The following GNPDA2 variants were observed in gnomAD, a reference collection of about 807,000 sequenced individuals.
The protein encoded by GNPDA2 is glcN6P deaminase 2.
A neutral mutation model predicts 27.0 loss-of-function variants in GNPDA2; 24 were observed. The observed-to-expected ratio is 0.89, with a 90% CI of 0.64 to 1.25. The LOEUF is 1.25. GNPDA2 is among the 50% of genes most tolerant of loss of function. The probability of loss-of-function intolerance (pLI) is 0.00; values close to 1 mark genes in which losing one functional copy is unlikely to be tolerated. For synonymous variants in GNPDA2, 94 were observed against 108.4 expected (o/e 0.87, Z 0.83); for missense variants, 286 against 335.1 (o/e 0.85, Z 1.14).
intron 2 of GNPDA2, among the ~76,000 whole-genome samples, chr4:44,721,609 T>C (rs909156000): frequency 7.5e-4 from 113 of 150,770 alleles, no homozygotes; most frequent in Middle Eastern, 6.9e-3. Context: ...AAGAAGCAAA[T>C]AGTAAAAGGC....
In GNPDA2 at chr4:44,703,077, T is replaced by TC. The variant is rs759389584; in HGVS notation, c.*3dup. Reference sequence around the variant, plus strand: ...ATTCAAGCTGAATTTTGCTCCAGTCTCCTTCAGTTTCCATCTTTCATACTG... The same window carrying TC: ...ATTCAAGCTGAATTTTGCTCCAGTCTCCCTTCAGTTTCCATCTTTCATACTG... On this transcript the variant is annotated 3_prime_UTR_variant, in exon 7 of 7. Coordinates refer to ENST00000295448, the MANE Select transcript of GNPDA2 (RefSeq NM_138335.3). 6.2e-7 allele frequency: 1 copy of TC among 1,611,698 alleles called. No individual in the cohort carries two copies. Among genetic ancestry groups the TC allele is most frequent in the Admixed American group, 1.7e-5 (1 of 59,794 alleles).
chr4:44,714,285 A>G (rs1717151415), intron 4 of GNPDA2: 2 of 984,922 alleles, frequency 2.0e-6, no homozygotes, highest in African/African-American at 1.7e-5. Context: ...CCTAGATTTT[A>G]TTTTTAAAAA....
chr4:44,707,719 T>G, intron 6 of GNPDA2, 33 bp downstream of exon 6: 1 of 1,584,304 alleles, frequency 6.3e-7, no homozygotes, highest in Non-Finnish European at 8.7e-7. Flanking sequence ...CACAACAGAT[T>G]ATCTCAGTCG....
intron 1 of GNPDA2, among the ~76,000 whole-genome samples, chr4:44,722,575 T>C (rs1006359103): frequency 1.2e-4 from 18 of 152,152 alleles, no homozygotes; most frequent in African/African-American, 3.9e-4. Context: ...ATTAAACAGG[T>C]ACAGACTTTT....
At chr4:44,719,478 A>C (rs1019377281) in intron 2 of GNPDA2, among the ~76,000 whole-genome samples, 3 of 152,094 alleles carry the variant, frequency 2.0e-5, no homozygotes, top group African/African-American at 7.2e-5. Context: ...AGAAGAAAAA[A>C]AGATTTTCTA....
At chr4:44,725,137 T>G (rs532493770) in intron 1 of GNPDA2, among the ~76,000 whole-genome samples, 8 of 37,104 alleles carry the variant, frequency 2.2e-4, no homozygotes, top group Admixed American at 5.0e-4. Flanking sequence ...TGAAGACCTA[T>G]TATATTCTAA....
chr4:44,702,080 AG>A lies in GNPDA2; in HGVS notation c.*1000del. 1.0e-6 allele frequency: 1 copy of A among 985,036 alleles called. No homozygotes were observed. The highest frequency in any genetic ancestry group is 1.2e-6 in the Non-Finnish European group (1 of 829,252). The allele number at this position is 985,036 out of a possible 1,614,324, so 61.0% of individuals were successfully genotyped here. A position where few individuals can be genotyped will look rare whatever the true frequency, so the allele number is the denominator to read the frequency against. ...ATGGTAACAAACCCAAAATGAATGCAGGTTCACATGTACTATAATTGTTGGG... is the reference window on the plus strand; with the variant it reads ...ATGGTAACAAACCCAAAATGAATGCAGTTCACATGTACTATAATTGTTGGG... On this transcript the variant is annotated 3_prime_UTR_variant, in exon 7 of 7. Transcript: ENST00000295448.
intron 6 of GNPDA2, chr4:44,706,120 A>C (rs1329397223): frequency 9.2e-5 from 14 of 151,890 alleles, no homozygotes; most frequent in Admixed American, 9.2e-4. Context: ...GATTCCTTGT[A>C]GTCAAGGAAT....
Position 44,703,035 on chromosome 4 carries a change from TAA to T in GNPDA2, c.*44_*45del. Reference sequence around the variant, plus strand: ...AGCTGAAAATTCATCTACTACTTAGTAAAAAGTGCTCTGTTCATTCAAGCTGA... The same window carrying T: ...AGCTGAAAATTCATCTACTACTTAGTAAAGTGCTCTGTTCATTCAAGCTGA... On this transcript the variant is annotated 3_prime_UTR_variant, in exon 7 of 7. Transcript: ENST00000295448. 6.2e-7 allele frequency: 1 copy of T among 1,604,306 alleles called. No homozygotes were observed. Among genetic ancestry groups the T allele is most frequent in the Non-Finnish European group, 8.5e-7 (1 of 1,177,176 alleles).
intron 2 of GNPDA2, among the ~76,000 whole-genome samples, chr4:44,721,419 A>G (rs1224631202): frequency 2.0e-5 from 3 of 152,154 alleles, no homozygotes; most frequent in Non-Finnish European, 4.4e-5. Context: ...GTCAATAAGG[A>G]GCAACTTTAG....
At chr4:44,714,931 T>TA (rs1413071323) in intron 4 of GNPDA2, among the ~76,000 whole-genome samples, 1 of 152,154 alleles carries the variant, frequency 6.6e-6, no homozygotes, top group Non-Finnish European at 1.5e-5. Context: ...GGAACTCTCT[T>TA]AAAATATATT....
rs1454243752 is a variant in GNPDA2, at chr4:44,720,987, C to T, written c.124+1097G>A. Among the ~76,000 whole-genome samples the T allele has an allele frequency of 4.6e-5, 7 of 151,544 alleles. No homozygotes were observed. The East Asian group carries it at 1.2e-3, about 25-fold the overall frequency. On this transcript the variant is annotated intron_variant, in intron 2 of 6. Coordinates refer to ENST00000295448, the MANE Select transcript of GNPDA2 (RefSeq NM_138335.3). The stretch of plus-strand genomic sequence containing the variant: ...AACAGTATAGAAACTATACAGAAAC[C>T]ACGTTCAACCCCAAGGGGTCACATA...
chr4:44,707,043 T>G (rs1244919800), intron 6 of GNPDA2: 1 of 152,050 alleles, frequency 6.6e-6, no homozygotes, highest in Non-Finnish European at 1.5e-5. Flanking sequence ...TGGAGCTGAC[T>G]CTTAAATCAG....
intron 6 of GNPDA2, chr4:44,706,297 C>A (rs916814249): frequency 9.3e-6 from 1 of 107,928 alleles, no homozygotes; most frequent in Non-Finnish European, 2.4e-5. Context: ...ATATAAATGA[C>A]TAGAAATAAT....
At chr4:44,706,389 A>G (rs1430189396) in intron 6 of GNPDA2, 2 of 152,006 alleles carry the variant, frequency 1.3e-5, no homozygotes, top group African/African-American at 4.8e-5. Flanking sequence ...AATATTTAGT[A>G]AAACAGGAAA....
intron 4 of GNPDA2, among the ~76,000 whole-genome samples, chr4:44,711,929 T>C (rs559385527): frequency 3.3e-5 from 5 of 151,940 alleles, no homozygotes; most frequent in African/African-American, 7.2e-5. Context: ...TTCTATGACA[T>C]TGCATTTCAT....
At chr4:44,709,039 C>A (rs1377522723) in intron 5 of GNPDA2, among the ~76,000 whole-genome samples, 2 of 152,030 alleles carry the variant, frequency 1.3e-5, no homozygotes, top group East Asian at 3.9e-4. Flanking sequence ...TACATTGCCT[C>A]TTGTAAAAGT....
intron 6 of GNPDA2, chr4:44,703,369 T>C (rs990393725): frequency 1.5e-6 from 2 of 1,297,824 alleles, no homozygotes; most frequent in Non-Finnish European, 9.8e-7. Flanking sequence ...AGATCTAGAA[T>C]GTGTACAGGT....
intron 5 of GNPDA2, among the ~76,000 whole-genome samples, chr4:44,708,640 G>T (rs542761748): frequency 5.9e-5 from 9 of 152,076 alleles, no homozygotes; most frequent in African/African-American, 2.2e-4. Context: ...ATGTGTATGT[G>T]TCGGAATCTT....
Sources: gnomAD v4.1 joint callset for allele counts (sites outside exome capture counted in the v4.1 genomes callset) on GRCh38, gnomAD v4.1.1 for gene constraint, MANE v1.5 for transcripts, NCBI Gene and HGNC (gene_info 2026-07-23, HGNC 2026-07-21) for gene names.